CAPSL: variants seen among roughly 807,000 people sequenced by gnomAD.
The protein encoded by CAPSL is calcyphosine like.
CAPSL carries 17 observed loss-of-function variants against 21.3 expected under a neutral mutation model. That is an observed-to-expected ratio of 0.80 (90% CI 0.55 to 1.20). The LOEUF (loss-of-function observed/expected upper bound fraction) is 1.20, where lower values mean the gene tolerates loss of function less well. Among genes scored for constraint, CAPSL ranks in the 50% most tolerant of loss-of-function variants. CAPSL has a pLI of 0.00. For synonymous variants in CAPSL, 102 were observed against 89.3 expected, an observed-to-expected ratio of 1.14 and a Z score of -0.80; for missense variants, 289 against 259.3, an observed-to-expected ratio of 1.11 and a Z score of -0.79.
At position 35,919,307 on chromosome 5, in the gene CAPSL, A is replaced by G. The variant is rs181941252; in HGVS notation, c.137+1677T>C. 2.6e-3 allele frequency among the ~76,000 whole-genome samples: 400 copies of G among 152,066 alleles called. 5 individuals are homozygous for G. Among genetic ancestry groups the G allele is most frequent in the African/African-American group, 9.5e-3 (392 of 41,456 alleles). On this transcript the variant is annotated intron_variant, in intron 2 of 4. Transcript: ENST00000651391. ...AGCCAAGTTGTCTGATAAATTAAGG[A>G]TACTAGCAAAAGAATCTTGAGAATT...
chr5:35,934,446 C>T (rs974507789), intron 1 of CAPSL, among the ~76,000 whole-genome samples: 1 of 152,228 alleles, frequency 6.6e-6, no homozygotes, highest in South Asian at 2.1e-4. Context: ...CCATTCCCCA[C>T]CCACATCTGT....
At chr5:35,911,895 G>A (rs933295898) in intron 2 of CAPSL, among the ~76,000 whole-genome samples, 1 of 152,172 alleles carries the variant, frequency 6.6e-6, no homozygotes, top group Non-Finnish European at 1.5e-5. Flanking sequence ...CCAAGCATGA[G>A]CTGAAGCAGG....
intron 2 of CAPSL, among the ~76,000 whole-genome samples, chr5:35,917,884 A>G (rs1368123936): frequency 6.6e-6 from 1 of 152,184 alleles, no homozygotes; most frequent in Non-Finnish European, 1.5e-5. Flanking sequence ...AAATTTTAAA[A>G]AAAAGCTTAT....
At chr5:35,914,097 A>C (rs1056117678) in intron 2 of CAPSL, among the ~76,000 whole-genome samples, 8 of 152,122 alleles carry the variant, frequency 5.3e-5, no homozygotes, top group East Asian at 1.9e-4. Context: ...CAACAAAGAT[A>C]AAAAGAGACA....
chr5:35,924,762 T>A (rs1215749846), intron 1 of CAPSL, among the ~76,000 whole-genome samples: 2 of 152,174 alleles, frequency 1.3e-5, no homozygotes, highest in East Asian at 3.9e-4. Flanking sequence ...GCCTAGAGTC[T>A]TCATTAGTTT....
At chr5:35,916,143 A>C (rs1364379756) in intron 2 of CAPSL, among the ~76,000 whole-genome samples, 2 of 152,058 alleles carry the variant, frequency 1.3e-5, no homozygotes, top group Non-Finnish European at 2.9e-5. Context: ...ATACCTAGGA[A>C]TCCAACTTAC....
intron 1 of CAPSL, among the ~76,000 whole-genome samples, chr5:35,928,825 T>C (rs899406366): frequency 2.6e-5 from 4 of 152,094 alleles, no homozygotes; most frequent in Non-Finnish European, 5.9e-5. Context: ...GAAGCCCTGA[T>C]ATAGAGAAAG....
rs199954393 is a variant in CAPSL at position 35,904,643 on chromosome 5, T to A, written c.529A>T (p.Thr177Ser). The change falls in exon 5 of 5, where the codon ACC (threonine) becomes TCC (serine). Residue 177 changes from threonine (T) to serine (S), a missense_variant. Transcript: ENST00000651391. ...DSPYDKDGLV[T>S]PEEFMNYYAG... ...TAGTAGTTCATGAACTCCTCAGGGG[T>A]CACCTGCAGTGGAAAAGTTAGAAAC... The A allele has an allele frequency of 2.0e-4, 330 of 1,611,462 alleles. No homozygotes were observed. The highest frequency in any genetic ancestry group is 2.6e-4 in the Non-Finnish European group (308 of 1,179,214).
At chr5:35,906,395 A>G (rs1331866070) in intron 4 of CAPSL, among the ~76,000 whole-genome samples, 2 of 152,076 alleles carry the variant, frequency 1.3e-5, no homozygotes, top group African/African-American at 4.8e-5. Context: ...AGTTCTCACC[A>G]ATAAGATACA....
intron 2 of CAPSL, among the ~76,000 whole-genome samples, chr5:35,919,160 T>TAAAAAA (rs34779853): frequency 0.015 from 1,933 of 129,064 alleles, 65 homozygotes; most frequent in East Asian, 0.078. Flanking sequence ...CTTTCCTGAT[T>TAAAAAA]AAAAAAAAAA....
At position 35,910,166 on chromosome 5, in the gene CAPSL, C is replaced by T. The variant is rs76988839; in HGVS notation, c.316-91G>A. ...TGATAAAATATCTCATTCCCCTCAA[C>T]GATGTGAAATAATATTTGTGTGCTA... On this transcript the variant is annotated intron_variant, in intron 3 of 4. Coordinates refer to ENST00000651391, the MANE Select transcript of CAPSL (RefSeq NM_001042625.2). 1,147 of 1,188,946 alleles carry T rather than the reference C, an allele frequency of 9.6e-4. 7 individuals carry two copies. The East Asian group carries it at 0.012, about 12-fold the overall frequency. The allele number at this position is 1,188,946 out of a possible 1,614,324, so 73.6% of individuals were successfully genotyped here.
At chr5:35,924,420 C>T (rs897685426) in intron 1 of CAPSL, among the ~76,000 whole-genome samples, 1 of 152,162 alleles carries the variant, frequency 6.6e-6, no homozygotes, top group Admixed American at 6.5e-5. Context: ...TTTGATGGTG[C>T]TTTCTCATAG....
chr5:35,907,974 CT>C (rs942730980), intron 4 of CAPSL, among the ~76,000 whole-genome samples: 28 of 152,316 alleles, frequency 1.8e-4, no homozygotes, highest in African/African-American at 6.7e-4. Context: ...TTACACATCA[CT>C]TTTCAGAAAC....
At chr5:35,930,927 C>T (rs1206952324) in intron 1 of CAPSL, among the ~76,000 whole-genome samples, 1 of 152,064 alleles carries the variant, frequency 6.6e-6, no homozygotes. Context: ...TTCCTTGTGC[C>T]TTGAGTGAGG....
intron 2 of CAPSL, among the ~76,000 whole-genome samples, chr5:35,914,142 T>A (rs1358357442): frequency 2.0e-5 from 3 of 152,172 alleles, no homozygotes; most frequent in African/African-American, 7.2e-5. Context: ...AGGGATCAAT[T>A]CAACAAGAAG....
chr5:35,905,983 A>C (rs1007906037), intron 4 of CAPSL, among the ~76,000 whole-genome samples: 1 of 152,196 alleles, frequency 6.6e-6, no homozygotes. Flanking sequence ...GGGAATATCA[A>C]AGATAATTAA....
At chr5:35,936,348 C>T (rs527243681) in intron 1 of CAPSL, among the ~76,000 whole-genome samples, 4 of 152,116 alleles carry the variant, frequency 2.6e-5, no homozygotes, top group Non-Finnish European at 5.9e-5. Context: ...TCTCCAGCAG[C>T]TCCTTCTTTT....
chr5:35,904,733 G>A (rs1204788774), intron 4 of CAPSL, 87 bp from the exon 5 acceptor site: 5 of 1,536,458 alleles, frequency 3.3e-6, no homozygotes, highest in African/African-American at 2.8e-5. Flanking sequence ...TAAATAGAAG[G>A]GAAATAGAGG....
chr5:35,910,341 T>C (rs1395433564), intron 3 of CAPSL, 25 bp downstream of exon 3: 1 of 1,607,672 alleles, frequency 6.2e-7, no homozygotes, highest in Non-Finnish European at 8.5e-7. Flanking sequence ...ACTCAGCAGA[T>C]ACACTGATTA....
Sources: allele counts gnomAD v4.1 joint callset (sites outside exome capture counted in the v4.1 genomes callset), GRCh38; gene constraint gnomAD v4.1.1; transcripts MANE v1.5; gene names NCBI Gene and HGNC (gene_info 2026-07-23, HGNC 2026-07-21).